The following CEP135 variants were observed in gnomAD, a reference collection of about 807,000 sequenced individuals.
CEP135 encodes centrosomal protein 135.
Under a neutral mutation model 157.3 loss-of-function variants are expected in CEP135, and 142 were observed. The observed-to-expected ratio is 0.90, with a 90% confidence interval of 0.79 to 1.04. CEP135 has a LOEUF of 1.04. Among genes scored for constraint, CEP135 ranks in the 50% least tolerant of loss-of-function variants. The pLI is 0.00. For synonymous variants in CEP135, 396 were observed against 439.8 expected (o/e 0.90, Z 1.25); for missense variants, 1,317 against 1,309.2 (o/e 1.01, Z -0.09).
chr4:56,028,196 T>C (rs1392962725), intron 25 of CEP135, among the ~76,000 whole-genome samples: 1 of 152,214 alleles, frequency 6.6e-6, no homozygotes, highest in South Asian at 2.1e-4. Flanking sequence ...GGTGTACAAG[T>C]ATCTGTTTTA....
chr4:56,009,645 T>A, intron 18 of CEP135, 90 bp from the exon 19 acceptor site: 1 of 1,141,190 alleles, frequency 8.8e-7, no homozygotes, highest in Non-Finnish European at 1.2e-6. Flanking sequence ...ATATTTGTAT[T>A]CTAAGTATAC....
At chr4:56,025,241 G>C (rs1158761034) in intron 25 of CEP135, among the ~76,000 whole-genome samples, 1 of 152,104 alleles carries the variant, frequency 6.6e-6, no homozygotes, top group Admixed American at 6.6e-5. Flanking sequence ...TCAGCCTCTT[G>C]AGTAGCTGGG....
intron 24 of CEP135, among the ~76,000 whole-genome samples, chr4:56,022,777 G>A (rs568363341): frequency 7.2e-5 from 11 of 152,218 alleles, no homozygotes; most frequent in South Asian, 4.2e-4. Context: ...ACAGGAAGAC[G>A]GAAGAGGGCT....
chr4:56,010,025 T>A, intron 19 of CEP135, 122 bp downstream of exon 19: 1 of 1,046,080 alleles, frequency 9.6e-7, no homozygotes, highest in Non-Finnish European at 1.4e-6. Context: ...AATAATTCAT[T>A]AAGGACAATG....
chr4:56,011,530 ATAT>A lies in CEP135; in HGVS notation c.2616+13_2616+15del. On this transcript the variant is annotated intron_variant, in intron 20 of 25. Transcript: ENST00000257287. Reference sequence around the variant, plus strand: ...AGCTTAATGGCTGCCAAGGTGAAAAATATTATTTAGGTTGGATTTAAGACTGAG... The same window carrying A: ...AGCTTAATGGCTGCCAAGGTGAAAAATATTTAGGTTGGATTTAAGACTGAG... 6.4e-7 allele frequency: 1 copy of A among 1,574,226 alleles called. No homozygotes were observed. Among genetic ancestry groups the A allele is most frequent in the Non-Finnish European group, 8.7e-7 (1 of 1,155,244 alleles).
rs115127121 is a variant in CEP135, at chr4:55,953,570, T to C, written c.304+295T>C. On this transcript the variant is annotated intron_variant, in intron 3 of 25. Transcript: ENST00000257287. ...AGCCCCTGAAATACTATAGGGTATG[T>C]TGAAGAGTTCCTGAGAAGGAAAATA... Among the ~76,000 whole-genome samples, 997 of 152,238 alleles carry C rather than the reference T, an allele frequency of 6.5e-3. 10 individuals are homozygous for C. The highest frequency in any genetic ancestry group is 0.018 in the African/African-American group (761 of 41,538).
chr4:56,026,505 G>A (rs1426003657), intron 25 of CEP135, among the ~76,000 whole-genome samples: 2 of 152,142 alleles, frequency 1.3e-5, no homozygotes, highest in Non-Finnish European at 2.9e-5. Context: ...ATTGTTGTGT[G>A]TACTTGTAGA....
rs1369757911 is a variant in CEP135, at chr4:56,008,344, AATGAAG to A, written c.2301_2306del (p.Met767_Lys768del). The A allele has an allele frequency of 1.2e-6, 2 of 1,610,104 alleles. No individual in the cohort carries two copies. Among genetic ancestry groups the A allele is most frequent in the South Asian group, 2.2e-5 (2 of 89,966 alleles). ...TTCTATAGGAAAAAGCTGTTGCTCA[AATGAAG>A]ATAATGATCTCAGAGTGTGAATCAT... On this transcript the variant is annotated inframe_deletion, in exon 18 of 26. Transcript: ENST00000257287.
intron 5 of CEP135, among the ~76,000 whole-genome samples, chr4:55,959,444 T>A (rs906718502): frequency 6.6e-6 from 1 of 152,084 alleles, no homozygotes; most frequent in Non-Finnish European, 1.5e-5. Context: ...GAGGTGTTTC[T>A]TGCACAGTGT....
rs1560400555 is a variant in CEP135, at chr4:55,964,372, T to C, written c.798T>C (p.Asn266=). The C allele has an allele frequency of 1.9e-6, 3 of 1,610,464 alleles. No homozygotes were observed. The highest frequency in any genetic ancestry group is 2.5e-6 in the Non-Finnish European group (3 of 1,177,288). Residue 266 remains asparagine, a synonymous_variant, in exon 7 of 26, where the codon AAT becomes AAC. Coordinates refer to ENST00000257287, the MANE Select transcript of CEP135 (RefSeq NM_025009.5). ...CTCTGGAGTCTAGAAATAAAACCAATGAAAAGCTTATTGCTCATTTAAATA... is the reference window on the plus strand; with the variant it reads ...CTCTGGAGTCTAGAAATAAAACCAACGAAAAGCTTATTGCTCATTTAAATA... ...VLSLESRNKT[N]EKLIAHLNIQ...
chr4:56,015,757 G>A (rs898737737), intron 21 of CEP135, among the ~76,000 whole-genome samples: 1 of 152,172 alleles, frequency 6.6e-6, no homozygotes, highest in Non-Finnish European at 1.5e-5. Context: ...TTTTGTCCCA[G>A]TGTGGTCCAT....
chr4:55,961,397 T>C (rs1383764070), intron 6 of CEP135, among the ~76,000 whole-genome samples: 1 of 152,152 alleles, frequency 6.6e-6, no homozygotes, highest in African/African-American at 2.4e-5. Context: ...TTTGTCTTTT[T>C]TTGCTGGAGT....
chr4:56,008,478 C>T (rs1730439197), intron 18 of CEP135, 96 bp downstream of exon 18: 3 of 985,022 alleles, frequency 3.0e-6, no homozygotes, highest in Non-Finnish European at 3.1e-6. Context: ...GAAGAATTTC[C>T]CTTTCAATTT....
chr4:56,011,308 C>T, intron 19 of CEP135, 104 bp from the exon 20 acceptor site: 5 of 749,104 alleles, frequency 6.7e-6, no homozygotes, highest in Middle Eastern at 3.5e-4. Context: ...TCCTTTTGCC[C>T]TACTCTATCT....
chr4:55,998,905 G>A lies in CEP135; in HGVS notation c.2010-397G>A, dbSNP rs929657535. Among the ~76,000 whole-genome samples the A allele has an allele frequency of 3.9e-5, 6 of 152,116 alleles. No homozygotes were observed. The South Asian group carries it at 1.0e-3, about 26-fold the overall frequency. ...AGAGCTCACTGGTTGAGATGGTTAGGATTTATGGCTAGTGCTTTGAAATGC... is the reference window on the plus strand; with the variant it reads ...AGAGCTCACTGGTTGAGATGGTTAGAATTTATGGCTAGTGCTTTGAAATGC... On this transcript the variant is annotated intron_variant, in intron 15 of 25. Coordinates refer to ENST00000257287, the MANE Select transcript of CEP135 (RefSeq NM_025009.5).
At chr4:55,967,114 T>A (rs991362810) in intron 8 of CEP135, among the ~76,000 whole-genome samples, 3 of 151,810 alleles carry the variant, frequency 2.0e-5, no homozygotes, top group Admixed American at 6.6e-5. Context: ...TTTTTTTATT[T>A]AAAAAAAATT....
intron 15 of CEP135, among the ~76,000 whole-genome samples, chr4:55,995,573 T>C (rs1262100939): frequency 6.6e-6 from 1 of 152,166 alleles, no homozygotes; most frequent in African/African-American, 2.4e-5. Context: ...TAAAATGAAG[T>C]AGTGTGGTAT....
rs371154393 is a variant in CEP135, at chr4:56,011,923, A to G, written c.2740A>G (p.Ile914Val). The G allele has an allele frequency of 3.0e-5, 48 of 1,601,088 alleles. No homozygotes were observed. Among genetic ancestry groups the G allele is most frequent in the Admixed American group, 1.2e-4 (7 of 57,960 alleles). ...SSSVRLELLS[I>V]DTERRHLRER... ...CTCAGTTCGACTGGAACTTCTTTCTATTGACACTGAGAGGAGACATCTTCG... is the reference window on the plus strand; with the variant it reads ...CTCAGTTCGACTGGAACTTCTTTCTGTTGACACTGAGAGGAGACATCTTCG... Residue 914 changes from isoleucine (I) to valine (V), a missense_variant, in exon 21 of 26, where the codon ATT (isoleucine) becomes GTT (valine). Coordinates refer to ENST00000257287, the MANE Select transcript of CEP135 (RefSeq NM_025009.5).
intron 4 of CEP135, among the ~76,000 whole-genome samples, chr4:55,956,534 G>A (rs113059357): frequency 1.1e-4 from 17 of 151,890 alleles, no homozygotes; most frequent in Non-Finnish European, 2.1e-4. Flanking sequence ...TAATAACCAC[G>A]CATATTTTAG....
Sources: allele counts gnomAD v4.1 joint callset (sites outside exome capture counted in the v4.1 genomes callset), GRCh38; gene constraint gnomAD v4.1.1; transcripts MANE v1.5; gene names NCBI Gene and HGNC (gene_info 2026-07-23, HGNC 2026-07-21).